Variants in COL11A1 observed in about 807,000 individuals in gnomAD.
The protein encoded by COL11A1 is collagen type XI alpha 1 chain, also known as collagen alpha-1(XI) chain.
COL11A1 carries 74 observed loss-of-function variants against 265.2 expected under a neutral mutation model. The ratio of observed to expected loss-of-function variants is 0.28; its 90% CI spans 0.23 to 0.34. The LOEUF (loss-of-function observed/expected upper bound fraction) is 0.34. Ranked by LOEUF, COL11A1 falls within the 10% of genes least tolerant of loss-of-function variation. The pLI, the probability that COL11A1 is intolerant of heterozygous loss-of-function variation, is 1.00. For synonymous variants in COL11A1, 816 were observed against 727.6 expected (o/e 1.12, Z -1.96); for missense variants, 2,165 against 2,263.6 (o/e 0.96, Z 0.88).
rs13374856 is a variant in COL11A1 at position 103,054,082 on chromosome 1, A to G, written c.651+20536T>C. ...ATTTGTGTGTCACACTGAATTTGGA[A>G]TTGGATTGTTTTTGAATATCAAGTC... On this transcript the variant is annotated intron_variant, in intron 4 of 66. Coordinates refer to ENST00000370096, the MANE Select transcript of COL11A1 (RefSeq NM_001854.4). 6.6e-4 allele frequency among the ~76,000 whole-genome samples: 101 copies of G among 152,106 alleles called. 1 individual carries two copies. Among genetic ancestry groups the G allele is most frequent in the Non-Finnish European group, 2.5e-4 (17 of 68,026 alleles).
At position 102,898,787 on chromosome 1, in the gene COL11A1, A is replaced by C; in HGVS notation, c.4141-14T>G. 6.2e-7 allele frequency: 1 copy of C among 1,605,382 alleles called. No individual in the cohort carries two copies. Among genetic ancestry groups the C allele is most frequent in the Non-Finnish European group, 8.5e-7 (1 of 1,173,134 alleles). On this transcript the variant is annotated splice_polypyrimidine_tract_variant and intron_variant, in intron 55 of 66. Coordinates refer to ENST00000370096, the MANE Select transcript of COL11A1 (RefSeq NM_001854.4). ...ACCTGCTTCCCCCTGTTAGAAAGTAAAATATGGGAGCACATTAGTGATGAG... is the reference window on the plus strand; with the variant it reads ...ACCTGCTTCCCCCTGTTAGAAAGTACAATATGGGAGCACATTAGTGATGAG...
At chr1:102,928,254 C>A (rs1462486259) in intron 46 of COL11A1, among the ~76,000 whole-genome samples, 1 of 151,628 alleles carries the variant, frequency 6.6e-6, no homozygotes, top group African/African-American at 2.4e-5. Context: ...TCCCCTCTCC[C>A]CCCACCCCAC....
chr1:102,961,911 A>G lies in COL11A1; in HGVS notation c.3123T>C (p.Pro1041=). 6.2e-7 allele frequency: 1 copy of G among 1,612,176 alleles called. No individual in the cohort carries two copies. Among genetic ancestry groups the G allele is most frequent in the South Asian group, 1.1e-5 (1 of 90,832 alleles). Residue 1041 remains proline (P), a synonymous_variant, in exon 41 of 67, where the codon CCT becomes CCC. Coordinates refer to ENST00000370096, the MANE Select transcript of COL11A1 (RefSeq NM_001854.4). The part of the protein sequence containing the change: ...ERGLPGAQGA[P]GLKGGEGPQG... ...GGGGACCTTCCCCTCCTTTCAGTCC[A>G]GGTGCACCCTGGGAAAAGTGAAAAA...
intron 46 of COL11A1, among the ~76,000 whole-genome samples, chr1:102,928,685 G>A (rs1416096694): frequency 6.8e-6 from 1 of 148,148 alleles, no homozygotes; most frequent in Non-Finnish European, 1.5e-5. Context: ...CTTCGACAAT[G>A]GTTGAACTAG....
chr1:103,104,714 T>C (rs1250244005), intron 1 of COL11A1, among the ~76,000 whole-genome samples: 1 of 152,220 alleles, frequency 6.6e-6, no homozygotes, highest in Non-Finnish European at 1.5e-5. Flanking sequence ...CTTTAGTCTA[T>C]ATTCTTTCTC....
At chr1:103,047,606 G>T (rs556776926) in intron 4 of COL11A1, among the ~76,000 whole-genome samples, 3 of 152,114 alleles carry the variant, frequency 2.0e-5, no homozygotes, top group Non-Finnish European at 4.4e-5. Flanking sequence ...TCCTTCTCCT[G>T]CCTGATTGCC....
chr1:103,025,543 C>T lies in COL11A1; in HGVS notation c.968G>A (p.Arg323Lys), dbSNP rs1448065580. 2 of 1,613,156 alleles carry T rather than the reference C, an allele frequency of 1.2e-6. No homozygotes were observed. Among genetic ancestry groups the T allele is most frequent in the Non-Finnish European group, 8.5e-7 (1 of 1,179,408 alleles). ...TACCTCATTTGTCCCAGAAACATGC[C>T]TAGGAGCTTCTGTCTGGTAACTTTC... ...TMESYQTEAP[R>K]HVSGTNEPNP... Residue 323 changes from arginine (R) to lysine (K), a missense_variant, in exon 7 of 67, where the codon AGG (arginine) becomes AAG (lysine). By Grantham distance (26) the Arg-to-Lys change is conservative. Transcript: ENST00000370096.
intron 47 of COL11A1, among the ~76,000 whole-genome samples, chr1:102,922,571 T>C (rs1005580306): frequency 6.6e-6 from 1 of 152,274 alleles, no homozygotes; most frequent in East Asian, 1.9e-4. Flanking sequence ...TAATTTTGTT[T>C]TGTATTTTTA....
chr1:103,059,085 T>G (rs985607042), intron 4 of COL11A1, among the ~76,000 whole-genome samples: 2 of 152,164 alleles, frequency 1.3e-5, no homozygotes, highest in African/African-American at 4.8e-5. Context: ...CCACAAACTT[T>G]CAATTTGTAA....
chr1:103,091,803 G>T (rs1012685380), intron 1 of COL11A1, among the ~76,000 whole-genome samples: 1 of 151,890 alleles, frequency 6.6e-6, no homozygotes, highest in South Asian at 2.1e-4. Context: ...AAAAAACTGC[G>T]TATTTCATAT....
In COL11A1 at chr1:103,018,831, G is replaced by T; in HGVS notation, c.1337C>A (p.Pro446Gln). ...ACATTTACATACTGCAGGTCCTGCT[G>T]GTCCTGGTGGTCCTTCGACAAGCAT... ...PGMLVEGPPGPAGPAGIMGPP... is the reference protein window; with the variant it reads ...PGMLVEGPPGQAGPAGIMGPP... The change falls in exon 10 of 67, where the codon CCA (proline) becomes CAA (glutamine). Residue 446 changes from proline to glutamine, a missense_variant. Coordinates refer to ENST00000370096, the MANE Select transcript of COL11A1 (RefSeq NM_001854.4). 1.2e-6 allele frequency: 2 copies of T among 1,612,134 alleles called. No individual in the cohort carries two copies. Among genetic ancestry groups the T allele is most frequent in the South Asian group, 2.2e-5 (2 of 90,906 alleles).
At chr1:102,932,875 T>G (rs964396372) in intron 46 of COL11A1, among the ~76,000 whole-genome samples, 3 of 151,884 alleles carry the variant, frequency 2.0e-5, no homozygotes, top group Non-Finnish European at 2.9e-5. Context: ...TTCTTCCAGT[T>G]GATCGCATCG....
At chr1:103,038,427 T>G (rs536979513) in intron 4 of COL11A1, among the ~76,000 whole-genome samples, 21 of 151,996 alleles carry the variant, frequency 1.4e-4, no homozygotes, top group African/African-American at 5.1e-4. Flanking sequence ...ATCGCGCCAC[T>G]GCCACTGCAC....
At chr1:103,107,957 A>C in intron 1 of COL11A1, 116 bp downstream of exon 1, 2 of 768,642 alleles carry the variant, frequency 2.6e-6, no homozygotes, top group Non-Finnish European at 2.2e-6. Context: ...ATTTAAGGGA[A>C]TTGCTTTTTT....
chr1:102,976,422 C>T (rs1662495170), intron 35 of COL11A1, among the ~76,000 whole-genome samples: 1 of 150,336 alleles, frequency 6.7e-6, no homozygotes, highest in Non-Finnish European at 1.5e-5. Context: ...CTTCAGCCTC[C>T]TGAGTAGCTG....
intron 12 of COL11A1, among the ~76,000 whole-genome samples, chr1:103,015,026 CT>C (rs1224346282): frequency 6.6e-6 from 1 of 151,864 alleles, no homozygotes; most frequent in Non-Finnish European, 1.5e-5. Flanking sequence ...GGAAATTTTC[CT>C]TGTGATTTAT....
intron 54 of COL11A1, among the ~76,000 whole-genome samples, chr1:102,903,639 A>G (rs923671307): frequency 6.6e-6 from 1 of 152,246 alleles, no homozygotes; most frequent in Non-Finnish European, 1.5e-5. Context: ...CTTACTGCAT[A>G]GAAATATGCT....
intron 44 of COL11A1, among the ~76,000 whole-genome samples, chr1:102,937,430 C>G (rs1369542655): frequency 6.6e-6 from 1 of 152,068 alleles, no homozygotes; most frequent in East Asian, 1.9e-4. Context: ...TTACTGCTAT[C>G]GTTTGGATAT....
In COL11A1 at chr1:103,026,925, A is replaced by C. The variant is rs1007806611; in HGVS notation, c.781-593T>G. 7.2e-5 allele frequency among the ~76,000 whole-genome samples: 11 copies of C among 152,060 alleles called. 1 individual carries two copies. Among genetic ancestry groups the C allele is most frequent in the Non-Finnish European group, 1.6e-4 (11 of 67,958 alleles). ...AAAATAAAATCTAAAATGTATTAAG[A>C]AATTCCTAATTTCCTTTAGACTTTC... On this transcript the variant is annotated intron_variant, in intron 5 of 66. Transcript: ENST00000370096.
Sources: allele counts gnomAD v4.1 joint callset (sites outside exome capture counted in the v4.1 genomes callset), GRCh38; gene constraint gnomAD v4.1.1; transcripts MANE v1.5; gene names NCBI Gene and HGNC (gene_info 2026-07-23, HGNC 2026-07-21).